MCUR1: variants seen among roughly 807,000 people sequenced by gnomAD.
MCUR1 encodes the protein mitochondrial calcium uniporter regulator 1, also known as MCU regulator 1.
Under a neutral mutation model 42.0 loss-of-function variants are expected in MCUR1, and 37 were observed. That is an observed-to-expected ratio of 0.88 (90% CI 0.68 to 1.16). MCUR1 has a LOEUF of 1.16. Among genes scored for constraint, MCUR1 ranks in the 50% most tolerant of loss-of-function variants. The probability of loss-of-function intolerance (pLI) is 0.00; values close to 1 mark genes in which losing one functional copy is unlikely to be tolerated. For synonymous variants in MCUR1, 229 were observed against 196.2 expected (o/e 1.17, Z -1.40); for missense variants, 469 against 468.4 (o/e 1.00, Z -0.01).
chr6:13,795,289 T>G (rs58545504), intron 6 of MCUR1, among the ~76,000 whole-genome samples: 4,084 of 152,170 alleles, frequency 0.027, 164 homozygotes, highest in African/African-American at 0.092. Flanking sequence ...GAGGGCGGCG[T>G]GGAACAAGAT....
chr6:13,814,044 G>A lies in MCUR1; in HGVS notation c.386C>T (p.Pro129Leu), dbSNP rs536562068. 10 of 1,237,046 alleles carry A rather than the reference G, an allele frequency of 8.1e-6. No homozygotes were observed. In the Admixed American group the frequency reaches 1.7e-4, roughly 21 times the overall value. The allele number at this position is 1,237,046 out of a possible 1,614,324, so 76.6% of individuals were successfully genotyped here. A position where few individuals can be genotyped will look rare whatever the true frequency, so the allele number is the denominator to read the frequency against. ...CCTGCAGGAAACGAGTGCAGGCGCC[G>A]GGCCGTGGTACTGGGGAAGGGCGCC... ...AAGALPQYHG[P>L]APALVSCRRE... The change falls in exon 1 of 9, where the codon CCG becomes CTG. Residue 129 changes from proline to leucine, a missense_variant. Pro to Leu is a moderately conservative substitution (Grantham distance 98). Transcript: ENST00000379170.
At chr6:13,796,071 A>G (rs1362203295) in intron 6 of MCUR1, among the ~76,000 whole-genome samples, 2 of 152,188 alleles carry the variant, frequency 1.3e-5, no homozygotes, top group Admixed American at 6.5e-5. Context: ...CATTCCAGAT[A>G]AAGTAATTAC....
In MCUR1 at chr6:13,814,121, CG is replaced by C; in HGVS notation, c.308del (p.Pro103ArgfsTer38). 2 of 1,259,126 alleles carry C rather than the reference CG, an allele frequency of 1.6e-6. No individual in the cohort carries two copies. Among genetic ancestry groups the C allele is most frequent in the Non-Finnish European group, 9.9e-7 (1 of 1,006,548 alleles). 78.0% of individuals were successfully genotyped at this position (1,259,126 alleles called of 1,614,324 possible). A position where few individuals can be genotyped will look rare whatever the true frequency, so the allele number is the denominator to read the frequency against. ...ACCTCCACGCGCTGCTGCGCCCGGC[CG>C]GGGGTGCGGCATACCCGAGGCGCGA... is the stretch of plus-strand genomic sequence containing the variant. ...ERSRLGYAAP[P>X]AGRSSAWRCS... On this transcript the variant is annotated frameshift_variant, in exon 1 of 9. Coordinates refer to ENST00000379170, the MANE Select transcript of MCUR1 (RefSeq NM_001031713.4). LOFTEE classifies it high-confidence loss of function.
chr6:13,798,938 T>C (rs778751432), intron 5 of MCUR1, 34 bp from the exon 6 acceptor site: 7 of 1,342,478 alleles, frequency 5.2e-6, no homozygotes, highest in Non-Finnish European at 7.5e-6. Flanking sequence ...GAAGGAAAAA[T>C]CCAAAGTAAG....
chr6:13,802,470 G>T, intron 2 of MCUR1, 124 bp from the exon 3 acceptor site: 1 of 675,994 alleles, frequency 1.5e-6, no homozygotes, highest in Non-Finnish European at 2.5e-6. Context: ...TAGGAGGCAG[G>T]GAGGAGGGTA....
intron 2 of MCUR1, among the ~76,000 whole-genome samples, chr6:13,804,749 C>T (rs1351927058): frequency 7.1e-6 from 1 of 141,728 alleles, no homozygotes; most frequent in Non-Finnish European, 1.5e-5. Flanking sequence ...GAGATTGTGC[C>T]ACTGTACTCC....
At chr6:13,793,357 G>A (rs1212876426) in intron 7 of MCUR1, among the ~76,000 whole-genome samples, 3 of 152,096 alleles carry the variant, frequency 2.0e-5, no homozygotes, top group Admixed American at 6.6e-5. Flanking sequence ...GCCAACGGGT[G>A]GAAGCAACAC....
intron 6 of MCUR1, among the ~76,000 whole-genome samples, chr6:13,796,262 G>T (rs1759851804): frequency 6.6e-6 from 1 of 150,886 alleles, no homozygotes; most frequent in Non-Finnish European, 1.5e-5. Context: ...GTATTTGCAA[G>T]AATGAAATTT....
At chr6:13,804,541 G>A (rs1232078282) in intron 2 of MCUR1, among the ~76,000 whole-genome samples, 3 of 151,422 alleles carry the variant, frequency 2.0e-5, no homozygotes, top group South Asian at 2.1e-4. Context: ...TTGGGAGGCC[G>A]AGGCGGGCGG....
chr6:13,811,405 G>A (rs188239867), intron 1 of MCUR1, among the ~76,000 whole-genome samples: 7 of 152,178 alleles, frequency 4.6e-5, no homozygotes, highest in Non-Finnish European at 8.8e-5. Flanking sequence ...ACTGTCTAGA[G>A]GGAAAATTTG....
chr6:13,806,745 C>T (rs879607070), intron 2 of MCUR1, among the ~76,000 whole-genome samples, 180 bp downstream of exon 2: 5 of 152,066 alleles, frequency 3.3e-5, no homozygotes, highest in Admixed American at 6.6e-5. Context: ...ACCAAGACTG[C>T]GCCACTGCAA....
chr6:13,803,863 T>G, intron 2 of MCUR1: 1 of 985,406 alleles, frequency 1.0e-6, no homozygotes, highest in Non-Finnish European at 1.2e-6. Flanking sequence ...CTGGGTGTGG[T>G]GGCTCACGCC....
At chr6:13,811,386 G>A (rs926970427) in intron 1 of MCUR1, among the ~76,000 whole-genome samples, 1 of 152,076 alleles carries the variant, frequency 6.6e-6, no homozygotes, top group African/African-American at 2.4e-5. Flanking sequence ...CTACAATCTG[G>A]ATTATGAAAC....
chr6:13,801,810 A>C (rs1334956997), intron 3 of MCUR1, among the ~76,000 whole-genome samples: 1 of 152,106 alleles, frequency 6.6e-6, no homozygotes, highest in Non-Finnish European at 1.5e-5. Flanking sequence ...CTGAGACTGC[A>C]CCACTGCACT....
chr6:13,793,817 T>G, intron 7 of MCUR1, 77 bp downstream of exon 7: 1 of 1,265,676 alleles, frequency 7.9e-7, no homozygotes, highest in Non-Finnish European at 1.1e-6. Flanking sequence ...CTTCCTATTA[T>G]CATTACAAAC....
chr6:13,801,536 G>A, intron 3 of MCUR1, 147 bp from the exon 4 acceptor site: 1 of 584,768 alleles, frequency 1.7e-6, no homozygotes, highest in Admixed American at 3.2e-5. Context: ...TTCCAAAAGG[G>A]GAAAAGGAAA....
intron 3 of MCUR1, among the ~76,000 whole-genome samples, chr6:13,801,859 AC>A (rs1264914752): frequency 4.0e-5 from 6 of 150,974 alleles, no homozygotes; most frequent in East Asian, 1.9e-4. Context: ...TCTCAAAAAG[AC>A]CCCCCCAAAA....
chr6:13,804,094 G>A, intron 2 of MCUR1: 2 of 671,106 alleles, frequency 3.0e-6, no homozygotes, highest in Non-Finnish European at 3.7e-6. Context: ...GCCAAGGTGG[G>A]TGGATCACTT....
chr6:13,799,827 CTTTTTTTTT>C (rs542304036), intron 5 of MCUR1, among the ~76,000 whole-genome samples: 6 of 96,212 alleles, frequency 6.2e-5, no homozygotes, highest in Non-Finnish European at 1.0e-4. Context: ...ACACAATTTT[CTTTTTTTTT>C]TTTTTTTTTT....
Sources: gnomAD v4.1 joint callset for allele counts (sites outside exome capture counted in the v4.1 genomes callset) on GRCh38, gnomAD v4.1.1 for gene constraint, MANE v1.5 for transcripts, NCBI Gene and HGNC (gene_info 2026-07-23, HGNC 2026-07-21) for gene names.